Variants in MALRD1 observed in about 807,000 individuals in gnomAD.
MALRD1 encodes the protein MAM and LDL-receptor class A domain-containing protein 1.
Under a neutral mutation model 242.1 loss-of-function variants are expected in MALRD1, and 247 were observed. The ratio of observed to expected loss-of-function variants is 1.02; its 90% confidence interval spans 0.92 to 1.13. The LOEUF (loss-of-function observed/expected upper bound fraction) is 1.13, where lower values mean the gene tolerates loss of function less well. MALRD1 is among the 50% of genes most tolerant of loss of function. The pLI is 0.00. For synonymous variants in MALRD1, 995 were observed against 866.6 expected, an observed-to-expected ratio of 1.15 and a Z score of -2.60; for missense variants, 2,989 against 2,533.1, an observed-to-expected ratio of 1.18 and a Z score of -3.86.
At chr10:19,292,791 G>T (rs1447713930) in intron 21 of MALRD1, among the ~76,000 whole-genome samples, 4 of 151,422 alleles carry the variant, frequency 2.6e-5, no homozygotes, top group Admixed American at 1.3e-4. Flanking sequence ...TACTCGGGAG[G>T]CTGAGGCAGG....
intron 28 of MALRD1, among the ~76,000 whole-genome samples, chr10:19,422,266 A>G (rs1833743084): frequency 6.6e-6 from 1 of 152,242 alleles, no homozygotes; most frequent in Admixed American, 6.5e-5. Context: ...TTTATGATCA[A>G]TAAAATACCT....
rs188852542 is a variant in MALRD1 at position 19,224,259 on chromosome 10, A to G, written c.2991+14579A>G. On this transcript the variant is annotated intron_variant, in intron 18 of 39. Transcript: ENST00000454679. ...GCCATTCTAACTGGCGCGAGATGGT[A>G]TCTCATTGGACCAGGGATGATGAGC... Among the ~76,000 whole-genome samples, 3 of 149,320 alleles carry G rather than the reference A, an allele frequency of 2.0e-5. No individual in the cohort carries two copies. In the East Asian group the frequency reaches 5.9e-4, roughly 29 times the overall value.
intron 28 of MALRD1, among the ~76,000 whole-genome samples, chr10:19,418,089 T>C (rs1217176924): frequency 6.6e-6 from 1 of 152,088 alleles, no homozygotes; most frequent in Non-Finnish European, 1.5e-5. Flanking sequence ...GATGATCCCA[T>C]ATGAATATTT....
At position 19,347,822 on chromosome 10, in the gene MALRD1, A is replaced by C; in HGVS notation, c.3953A>C (p.Gln1318Pro). The change falls in exon 25 of 40, where the codon CAG becomes CCG. Residue 1318 changes from glutamine to proline, a missense_variant. Transcript: ENST00000454679. ...DFEFDLCSWK[Q>P]EKDEDFDWNL... ...GAATTTGATCTTTGTTCCTGGAAGC[A>C]GGAGAAAGATGAGGACTTTGACTGG... The C allele has an allele frequency of 6.4e-7, 1 of 1,550,504 alleles. No homozygotes were observed. The highest frequency in any genetic ancestry group is 8.7e-7 in the Non-Finnish European group (1 of 1,146,846).
chr10:19,643,548 C>T (rs1197644763), intron 36 of MALRD1, among the ~76,000 whole-genome samples: 2 of 152,130 alleles, frequency 1.3e-5, no homozygotes, highest in African/African-American at 4.8e-5. Flanking sequence ...ATAGTTTCGA[C>T]ATAATTTTAT....
chr10:19,179,638 G>A (rs976245685), intron 14 of MALRD1, among the ~76,000 whole-genome samples: 4 of 151,974 alleles, frequency 2.6e-5, no homozygotes, highest in Non-Finnish European at 5.9e-5. Flanking sequence ...ATAAAAAAGA[G>A]GGTAGATCTT....
chr10:19,701,737 C>T (rs1242874332), intron 38 of MALRD1, among the ~76,000 whole-genome samples: 1 of 118,862 alleles, frequency 8.4e-6, no homozygotes, highest in Non-Finnish European at 1.7e-5. Flanking sequence ...TTTCCCCTTC[C>T]CCTCCCCTCC....
intron 36 of MALRD1, among the ~76,000 whole-genome samples, chr10:19,632,517 T>G (rs1389700452): frequency 6.6e-6 from 1 of 152,158 alleles, no homozygotes; most frequent in Non-Finnish European, 1.5e-5. Context: ...TAAAGATCAT[T>G]CAGTTTCTAG....
chr10:19,229,188 A>G (rs1837937634), intron 18 of MALRD1, among the ~76,000 whole-genome samples: 1 of 152,226 alleles, frequency 6.6e-6, no homozygotes, highest in Admixed American at 6.5e-5. Flanking sequence ...TGAATCGAGC[A>G]TCTTTAACCT....
chr10:19,398,282 G>A (rs1364241215), intron 28 of MALRD1, among the ~76,000 whole-genome samples: 13 of 152,100 alleles, frequency 8.5e-5, no homozygotes, highest in Non-Finnish European at 1.3e-4. Context: ...TCTTCTGGTA[G>A]TTTTATAGCA....
At chr10:19,492,954 T>A (rs1424278850) in intron 30 of MALRD1, among the ~76,000 whole-genome samples, 1 of 152,158 alleles carries the variant, frequency 6.6e-6, no homozygotes, top group Non-Finnish European at 1.5e-5. Flanking sequence ...TCATTTTCTA[T>A]TTAAAATTTT....
chr10:19,375,504 C>T (rs1845556990), intron 26 of MALRD1, among the ~76,000 whole-genome samples: 2 of 152,030 alleles, frequency 1.3e-5, no homozygotes, highest in Admixed American at 6.6e-5. Flanking sequence ...ACCAAAATCA[C>T]CTGCAAGGCC....
chr10:19,379,465 C>A (rs1467534327), intron 26 of MALRD1, among the ~76,000 whole-genome samples: 1 of 152,056 alleles, frequency 6.6e-6, no homozygotes, highest in Non-Finnish European at 1.5e-5. Context: ...TTACCTGGAG[C>A]CCATAAATTT....
In MALRD1 at chr10:19,095,037, TG is replaced by T. The variant is rs199928420; in HGVS notation, c.597+6854del. ...CTCTGTGAGTCAATTTAACCCAAGT[TG>T]GTTTTTTTATCATCTGTTATTAGAA... On this transcript the variant is annotated intron_variant, in intron 4 of 39. Coordinates refer to ENST00000454679, the MANE Select transcript of MALRD1 (RefSeq NM_001142308.3). 3.9e-5 allele frequency among the ~76,000 whole-genome samples: 6 copies of T among 152,310 alleles called. No individual in the cohort carries two copies. The East Asian group carries it at 5.8e-4, about 15-fold the overall frequency.
At chr10:19,181,063 AAC>A (rs1326174073) in intron 14 of MALRD1, among the ~76,000 whole-genome samples, 2 of 152,146 alleles carry the variant, frequency 1.3e-5, no homozygotes, top group African/African-American at 4.8e-5. Flanking sequence ...AAAAAAGCGT[AAC>A]ACATTTTAGT....
chr10:19,065,899 T>C lies in MALRD1; in HGVS notation c.200-820T>C, dbSNP rs114796035. ...GTTGAGTTTCCATCAGAGGGGTCTC[T>C]GTGATCTGATCTGCCCAAACCTGAA... is the stretch of plus-strand genomic sequence containing the variant. On this transcript the variant is annotated intron_variant, in intron 1 of 39. Coordinates refer to ENST00000454679, the MANE Select transcript of MALRD1 (RefSeq NM_001142308.3). Among the ~76,000 whole-genome samples the C allele has an allele frequency of 2.1e-3, 324 of 152,310 alleles. 1 individual carries two copies. The highest frequency in any genetic ancestry group is 6.8e-3 in the African/African-American group (281 of 41,570).
chr10:19,490,513 G>GGT (rs1429606562), intron 29 of MALRD1, among the ~76,000 whole-genome samples: 1 of 129,382 alleles, frequency 7.7e-6, no homozygotes, highest in Non-Finnish European at 1.7e-5. Flanking sequence ...GGGCGGGGGG[G>GGT]GGGCAGGGTT....
rs1844411646 is a variant in MALRD1 at position 19,352,186 on chromosome 10, G to A, written c.4330G>A (p.Val1444Ile). 1.3e-6 allele frequency: 2 copies of A among 1,550,532 alleles called. No individual in the cohort carries two copies. The highest frequency in any genetic ancestry group is 2.0e-5 in the Admixed American group (1 of 50,984). ...CTTCCAACTCAAATTTGAAGGTAGA[G>A]TTGGGAAAGGTCAGCGTGGAGACAT... ...EDFQLKFEGR[V>I]GKGQRGDIAL... The change falls in exon 26 of 40, where the codon GTT becomes ATT. Residue 1444 changes from valine to isoleucine, a missense_variant. By Grantham distance (29) the Val-to-Ile change is conservative. Transcript: ENST00000454679.
chr10:19,491,760 T>C (rs189298633), intron 30 of MALRD1, 115 bp downstream of exon 30: 36 of 1,199,154 alleles, frequency 3.0e-5, no homozygotes, highest in Non-Finnish European at 3.9e-5. Flanking sequence ...TGCACTAGAG[T>C]AGATTTAGAA....
Sources: allele counts gnomAD v4.1 joint callset (sites outside exome capture counted in the v4.1 genomes callset), GRCh38; gene constraint gnomAD v4.1.1; transcripts MANE v1.5; gene names NCBI Gene and HGNC (gene_info 2026-07-23, HGNC 2026-07-21).